Variants in ZNF710 observed in about 807,000 individuals in gnomAD.
The protein encoded by ZNF710 is zinc finger protein 710.
In ZNF710, 13 loss-of-function variants were observed where a neutral mutation model predicts 50.6. The ratio of observed to expected loss-of-function variants is 0.26; its 90% CI spans 0.17 to 0.41. The LOEUF (loss-of-function observed/expected upper bound fraction) is 0.41. Ranked by LOEUF, ZNF710 falls within the 10% of genes least tolerant of loss-of-function variation. The probability of loss-of-function intolerance (pLI) is 1.00; values close to 1 mark genes in which losing one functional copy is unlikely to be tolerated. For missense variants in ZNF710, 721 were observed against 936.6 expected (o/e 0.77, Z 3.01); for synonymous variants, 383 against 397.0 (o/e 0.96, Z 0.42).
At chr15:90,044,389 G>A (rs796381663) in intron 1 of ZNF710, among the ~76,000 whole-genome samples, 6 of 152,240 alleles carry the variant, frequency 3.9e-5, no homozygotes, top group Non-Finnish European at 8.8e-5. Flanking sequence ...CCAAGGCGGG[G>A]CTAGGTGGCG....
chr15:90,056,275 G>A (rs570398097), intron 1 of ZNF710, among the ~76,000 whole-genome samples: 6 of 151,948 alleles, frequency 3.9e-5, no homozygotes, highest in African/African-American at 1.2e-4. Context: ...TAGCCAGGCC[G>A]TGGTGGCGCA....
Position 90,062,246 on chromosome 15 carries a change from C to T in ZNF710, c.-28-4864C>T, listed in dbSNP as rs1460503803. Among the ~76,000 whole-genome samples the T allele has an allele frequency of 1.3e-5, 2 of 150,742 alleles. No homozygotes were observed. Among genetic ancestry groups the T allele is most frequent in the Admixed American group, 6.6e-5 (1 of 15,116 alleles). ...TCTCTCTCTCTCTCTCTGATATGTCCTCCCTTCCCCCACTCCCAGCACAAC... is the reference window on the plus strand; with the variant it reads ...TCTCTCTCTCTCTCTCTGATATGTCTTCCCTTCCCCCACTCCCAGCACAAC... On this transcript the variant is annotated intron_variant, in intron 1 of 4. Coordinates refer to ENST00000268154, the MANE Select transcript of ZNF710 (RefSeq NM_198526.4). The surrounding 1 kb of genome is among the most constrained non-coding windows in gnomAD (Gnocchi z 5.6).
At position 90,067,210 on chromosome 15, in the gene ZNF710, C is replaced by T; in HGVS notation, c.73C>T (p.Leu25Phe). 2 of 1,613,882 alleles carry T rather than the reference C, an allele frequency of 1.2e-6. No individual in the cohort carries two copies. The highest frequency in any genetic ancestry group is 1.7e-6 in the Non-Finnish European group (2 of 1,179,940). ...VVLSLAQAAVLGLVSENELFG... is the reference protein window; with the variant it reads ...VVLSLAQAAVFGLVSENELFG... ...GCTGTCCTTGGCTCAGGCCGCCGTG[C>T]TTGGCCTGGTCTCCGAAAATGAGCT... The change falls in exon 2 of 5, where the codon CTT (leucine) becomes TTT (phenylalanine). Residue 25 changes from leucine to phenylalanine, a missense_variant. By Grantham distance (22) the Leu-to-Phe change is conservative. Around this residue, in one of 3 missense-constraint regions of ZNF710, gnomAD observed 326 missense variants for 347.1 expected, o/e 0.94. Transcript: ENST00000268154. This position sits in a 1 kb window ranked among gnomAD's most constrained non-coding sequence, Gnocchi z 8.1.
At chr15:90,002,005 TGAAAG>T (rs1179400107) in intron 1 of ZNF710, among the ~76,000 whole-genome samples, 3 of 125,014 alleles carry the variant, frequency 2.4e-5, no homozygotes, top group Admixed American at 8.0e-5. Context: ...GAGGCAAAAA[TGAAAG>T]GAAAGCGTCG....
At chr15:90,050,413 C>T (rs991705397) in intron 1 of ZNF710, among the ~76,000 whole-genome samples, 3 of 152,352 alleles carry the variant, frequency 2.0e-5, no homozygotes, top group East Asian at 1.9e-4. Flanking sequence ...TTCCCTTCTC[C>T]GTCCCATGCT....
Position 90,034,203 on chromosome 15 carries a change from AAAAG to A in ZNF710, c.-29+32593_-29+32596del, listed in dbSNP as rs906361674. 7.1e-5 allele frequency among the ~76,000 whole-genome samples: 9 copies of A among 126,282 alleles called. No individual in the cohort carries two copies. The highest frequency in any genetic ancestry group is 3.1e-4 in the African/African-American group (9 of 28,672). The allele number at this position is 126,282 out of a possible 152,430, so 82.8% of individuals were successfully genotyped here. A position where few individuals can be genotyped will look rare whatever the true frequency, so the allele number is the denominator to read the frequency against. Reference sequence around the variant, plus strand: ...ACAGAGTGAGACTCTGTCTCAAAAAAAAAGAAAAGAAAAGAAAAGAAAAGAAAAC... The same window carrying A: ...ACAGAGTGAGACTCTGTCTCAAAAAAAAAAGAAAAGAAAAGAAAAGAAAAC... On this transcript the variant is annotated intron_variant, in intron 1 of 4. Coordinates refer to ENST00000268154, the MANE Select transcript of ZNF710 (RefSeq NM_198526.4). This position sits in a 1 kb window ranked among gnomAD's most constrained non-coding sequence, Gnocchi z 4.0.
At chr15:90,073,373 A>G in intron 3 of ZNF710, 111 bp downstream of exon 3, 2 of 1,313,220 alleles carry the variant, frequency 1.5e-6, no homozygotes, top group South Asian at 1.4e-5. Flanking sequence ...TGCGGGCAAG[A>G]GGAGCCCCGG....
chr15:90,023,771 G>GTGGA (rs1304468999), intron 1 of ZNF710, among the ~76,000 whole-genome samples: 2 of 152,180 alleles, frequency 1.3e-5, no homozygotes, highest in Non-Finnish European at 2.9e-5. Flanking sequence ...GCCAAGGCAG[G>GTGGA]TGGATCATTG....
Position 90,067,332 on chromosome 15 carries a change from C to T in ZNF710, c.195C>T (p.Asp65=), listed in dbSNP as rs377270719. Residue 65 remains aspartate (D), a synonymous_variant, in exon 2 of 5, where the codon GAC becomes GAT. Transcript: ENST00000268154. The surrounding 1 kb of genome is among the most constrained non-coding windows in gnomAD (Gnocchi z 8.1). ...AMGEPEPPGP[D]VYQLACNGRA... Reference sequence around the variant, plus strand: ...GAGAGCCCGAGCCACCAGGCCCCGACGTCTACCAGCTGGCCTGCAACGGGA... The same window carrying T: ...GAGAGCCCGAGCCACCAGGCCCCGATGTCTACCAGCTGGCCTGCAACGGGA... The T allele has an allele frequency of 2.5e-5, 40 of 1,603,354 alleles. No individual in the cohort carries two copies. The highest frequency in any genetic ancestry group is 1.2e-4 in the African/African-American group (9 of 74,856).
At position 90,034,849 on chromosome 15, in the gene ZNF710, C is replaced by T. The variant is rs958421782; in HGVS notation, c.-28-32261C>T. ...GACCTCTTCCACATCGCCCCAAGGT[C>T]GGGCTGAAGAGATTTGGATCTTCTG... On this transcript the variant is annotated intron_variant, in intron 1 of 4. Transcript: ENST00000268154. This position sits in a 1 kb window ranked among gnomAD's most constrained non-coding sequence, Gnocchi z 4.0. Among the ~76,000 whole-genome samples, 5 of 152,188 alleles carry T rather than the reference C, an allele frequency of 3.3e-5. No homozygotes were observed. Among genetic ancestry groups the T allele is most frequent in the Admixed American group, 6.5e-5 (1 of 15,286 alleles).
At chr15:90,073,712 G>C (rs555220029) in intron 3 of ZNF710, among the ~76,000 whole-genome samples, 2 of 152,166 alleles carry the variant, frequency 1.3e-5, no homozygotes, top group Non-Finnish European at 2.9e-5. Context: ...TTCTGGGCCA[G>C]GCATGGTGGT....
chr15:90,008,565 T>C (rs1288469146), intron 1 of ZNF710, among the ~76,000 whole-genome samples: 1 of 150,696 alleles, frequency 6.6e-6, no homozygotes, highest in East Asian at 1.9e-4. Context: ...GGAGGATTGC[T>C]TGAGCCCAGG....
In ZNF710 at chr15:90,062,750, G is replaced by A. The variant is rs182848861; in HGVS notation, c.-28-4360G>A. On this transcript the variant is annotated intron_variant, in intron 1 of 4. Transcript: ENST00000268154. This position sits in a 1 kb window ranked among gnomAD's most constrained non-coding sequence, Gnocchi z 5.6. Reference sequence around the variant, plus strand: ...CCGGGCCTCCCCACTCCTCATTTCCGTGTGCGATAGGCAGGCAGAACACAC... The same window carrying A: ...CCGGGCCTCCCCACTCCTCATTTCCATGTGCGATAGGCAGGCAGAACACAC... 1.6e-4 allele frequency among the ~76,000 whole-genome samples: 25 copies of A among 152,312 alleles called. 1 individual carries two copies. The South Asian group carries it at 2.7e-3, about 16-fold the overall frequency.
intron 1 of ZNF710, among the ~76,000 whole-genome samples, chr15:90,004,938 A>G (rs1279742833): frequency 6.6e-6 from 1 of 152,252 alleles, no homozygotes. Context: ...TGACTTCTTC[A>G]AAGTCCAACA....
chr15:90,009,207 T>C lies in ZNF710; in HGVS notation c.-29+7593T>C, dbSNP rs1408725054. Among the ~76,000 whole-genome samples the C allele has an allele frequency of 2.0e-5, 3 of 151,844 alleles. No individual in the cohort carries two copies. In the East Asian group the frequency reaches 5.8e-4, roughly 29 times the overall value. ...TCCAGACTGGGAAGACTGTCCTGCA[T>C]GTGTTTGGTAAAAGACAACGGCTAA... On this transcript the variant is annotated intron_variant, in intron 1 of 4. Transcript: ENST00000268154.
chr15:90,046,007 G>T (rs1899449208), intron 1 of ZNF710, among the ~76,000 whole-genome samples: 1 of 152,190 alleles, frequency 6.6e-6, no homozygotes, highest in African/African-American at 2.4e-5. Context: ...GGGTCCCCCA[G>T]GGCCACAGAG....
At position 90,067,718 on chromosome 15, in the gene ZNF710, C is replaced by T. The variant is rs201313054; in HGVS notation, c.581C>T (p.Pro194Leu). The T allele has an allele frequency of 5.9e-5, 95 of 1,606,196 alleles. No individual in the cohort carries two copies. The East Asian group carries it at 7.4e-4, about 12-fold the overall frequency. ...CCATATGACCCTCACTTCCCGGCCC[C>T]GGCCCGGGATGGCTTCCCCGAGCCC... ...VAPYDPHFPA[P>L]ARDGFPEPSM... The change falls in exon 2 of 5, where the codon CCG becomes CTG. Residue 194 changes from proline to leucine, a missense_variant. Coordinates refer to ENST00000268154, the MANE Select transcript of ZNF710 (RefSeq NM_198526.4). The surrounding 1 kb of genome is among the most constrained non-coding windows in gnomAD (Gnocchi z 8.1).
At chr15:90,022,710 G>A (rs1033313782) in intron 1 of ZNF710, among the ~76,000 whole-genome samples, 6 of 152,176 alleles carry the variant, frequency 3.9e-5, no homozygotes, top group Admixed American at 2.0e-4. Flanking sequence ...GAATACATAT[G>A]GCACTTTTAC....
chr15:90,058,728 T>TATATATATATATATATGTACATGTAC (rs1555458604), intron 1 of ZNF710, among the ~76,000 whole-genome samples: 25 of 146,002 alleles, frequency 1.7e-4, no homozygotes, highest in African/African-American at 6.7e-4. Context: ...TACACACATA[T>TATATATATATATATATGTACATGTAC]ACACACACAC....
Sources: allele counts gnomAD v4.1 joint callset (sites outside exome capture counted in the v4.1 genomes callset), GRCh38; gene constraint gnomAD v4.1.1; regional missense constraint gnomAD v4.1.1; non-coding constraint Gnocchi (gnomAD v3.1); transcripts MANE v1.5; gene names NCBI Gene and HGNC (gene_info 2026-07-23, HGNC 2026-07-21).